Variants in ERBB4 observed in about 807,000 individuals in gnomAD.
ERBB4 encodes receptor tyrosine-protein kinase erbB-4.
Under a neutral mutation model 158.0 loss-of-function variants are expected in ERBB4, and 42 were observed. That is an observed-to-expected ratio of 0.27 (90% CI 0.21 to 0.34). The LOEUF (loss-of-function observed/expected upper bound fraction) is 0.34, where lower values mean the gene tolerates loss of function less well. ERBB4 is among the 10% of genes least tolerant of loss of function. The pLI, the probability that ERBB4 is intolerant of heterozygous loss-of-function variation, is 1.00. For missense variants in ERBB4, 1,333 were observed against 1,624.1 expected (o/e 0.82, Z 3.08); for synonymous variants, 583 against 558.7 (o/e 1.04, Z -0.61).
At position 212,239,700 on chromosome 2, in the gene ERBB4, C is replaced by A. The variant is rs140528261; in HGVS notation, c.83-114797G>T. On this transcript the variant is annotated intron_variant, in intron 1 of 27. Coordinates refer to ENST00000342788, the MANE Select transcript of ERBB4 (RefSeq NM_005235.3). Reference sequence around the variant, plus strand: ...TCAGGTCTGTCTCCACTTGAAAGCACAATTCAACTTTATTAGGAGGTTTTT... The same window carrying A: ...TCAGGTCTGTCTCCACTTGAAAGCAAAATTCAACTTTATTAGGAGGTTTTT... 4.1e-4 allele frequency among the ~76,000 whole-genome samples: 63 copies of A among 152,200 alleles called. 1 individual carries two copies. The highest frequency in any genetic ancestry group is 1.3e-3 in the African/African-American group (53 of 41,524).
intron 1 of ERBB4, among the ~76,000 whole-genome samples, chr2:212,288,784 C>T (rs1182139515): frequency 6.6e-6 from 1 of 152,026 alleles, no homozygotes. Flanking sequence ...AGATCTTGAT[C>T]TAAGGCCCTG....
At chr2:211,543,546 C>T (rs2066867138) in intron 20 of ERBB4, among the ~76,000 whole-genome samples, 1 of 151,838 alleles carries the variant, frequency 6.6e-6, no homozygotes, top group Admixed American at 6.6e-5. Flanking sequence ...TAAAGGACTT[C>T]AAATGTGTAG....
At chr2:211,863,652 G>C (rs986566356) in intron 3 of ERBB4, among the ~76,000 whole-genome samples, 1 of 152,106 alleles carries the variant, frequency 6.6e-6, no homozygotes, top group Non-Finnish European at 1.5e-5. Context: ...CCCACCAGAA[G>C]GAAGAAACTC....
At chr2:212,490,895 A>T (rs1397451510) in intron 1 of ERBB4, among the ~76,000 whole-genome samples, 3 of 151,748 alleles carry the variant, frequency 2.0e-5, no homozygotes, top group Non-Finnish European at 4.4e-5. Flanking sequence ...TTTTTAAAAC[A>T]TTTGGAAATT....
intron 3 of ERBB4, among the ~76,000 whole-genome samples, chr2:211,931,916 C>T (rs942712952): frequency 1.3e-5 from 2 of 151,972 alleles, no homozygotes; most frequent in Non-Finnish European, 2.9e-5. Flanking sequence ...GTGTTCTAAA[C>T]ACTATGCTAG....
chr2:212,194,478 T>G (rs1397940340), intron 1 of ERBB4, among the ~76,000 whole-genome samples: 1 of 152,074 alleles, frequency 6.6e-6, no homozygotes, highest in Non-Finnish European at 1.5e-5. Flanking sequence ...CTATGTTACC[T>G]GTTACTATTT....
intron 1 of ERBB4, among the ~76,000 whole-genome samples, chr2:212,240,665 A>AAAAAAAAAAAAAAC (rs1559823350): frequency 1.9e-4 from 27 of 145,896 alleles, no homozygotes; most frequent in African/African-American, 7.1e-4. Flanking sequence ...AAAAAAAAAA[A>AAAAAAAAAAAAAAC]AACAGAAAAA....
intron 1 of ERBB4, among the ~76,000 whole-genome samples, chr2:212,537,103 A>G (rs1219245703): frequency 6.6e-6 from 1 of 151,258 alleles, no homozygotes; most frequent in East Asian, 1.9e-4. Flanking sequence ...AGACTCGATA[A>G]TTGTAACTTG....
intron 19 of ERBB4, among the ~76,000 whole-genome samples, chr2:211,562,929 G>A (rs1038718144): frequency 7.3e-5 from 11 of 151,660 alleles, no homozygotes; most frequent in Admixed American, 6.6e-5. Context: ...CCGCCACTAC[G>A]CCCGGCTAAT....
intron 1 of ERBB4, among the ~76,000 whole-genome samples, chr2:212,347,066 G>A (rs184677440): frequency 4.6e-5 from 7 of 152,158 alleles, no homozygotes; most frequent in Admixed American, 2.0e-4. Flanking sequence ...ATATCAGATA[G>A]GCCTAAGTGC....
chr2:212,271,142 G>A (rs999512636), intron 1 of ERBB4, among the ~76,000 whole-genome samples: 1 of 151,624 alleles, frequency 6.6e-6, no homozygotes, highest in Non-Finnish European at 1.5e-5. Context: ...CTTATCTAAT[G>A]CCTTTTGATT....
intron 13 of ERBB4, 132 bp downstream of exon 13, chr2:211,678,920 T>TC: frequency 1.2e-6 from 1 of 802,628 alleles, no homozygotes; most frequent in Non-Finnish European, 1.8e-6. Context: ...TGAGCCGAGA[T>TC]CGTGCCGCTG....
chr2:211,570,977 C>T (rs2067707483), intron 19 of ERBB4, among the ~76,000 whole-genome samples: 1 of 150,848 alleles, frequency 6.6e-6, no homozygotes, highest in African/African-American at 2.4e-5. Flanking sequence ...CAAAATCCTT[C>T]TTTGGCTGAT....
At chr2:211,788,500 T>G (rs1575149755) in intron 3 of ERBB4, among the ~76,000 whole-genome samples, 1 of 152,098 alleles carries the variant, frequency 6.6e-6, no homozygotes, top group Non-Finnish European at 1.5e-5. Context: ...GCTTGTTTAG[T>G]TTAATATTAT....
At chr2:212,430,180 C>T (rs1313719641) in intron 1 of ERBB4, among the ~76,000 whole-genome samples, 2 of 152,120 alleles carry the variant, frequency 1.3e-5, no homozygotes, top group Non-Finnish European at 2.9e-5. Context: ...TCCTCTTATA[C>T]TTGTGTTTTA....
intron 10 of ERBB4, 43 bp from the exon 11 acceptor site, chr2:211,704,237 C>G (rs1365900544): frequency 2.4e-6 from 3 of 1,248,984 alleles, no homozygotes; most frequent in Middle Eastern, 1.9e-4. Flanking sequence ...ATATCATTGT[C>G]TTAGTATTAG....
At chr2:211,913,643 GTGTGTGTGTGTGTGTA>G (rs1468327736) in intron 3 of ERBB4, among the ~76,000 whole-genome samples, 6 of 139,124 alleles carry the variant, frequency 4.3e-5, no homozygotes, top group Admixed American at 2.3e-4. Flanking sequence ...GTGTGTGTGT[GTGTGTGTGTGTGTGTA>G]TGTGTGTATG....
intron 3 of ERBB4, among the ~76,000 whole-genome samples, chr2:211,828,020 T>C (rs2077140104): frequency 6.6e-6 from 1 of 152,192 alleles, no homozygotes; most frequent in Admixed American, 6.5e-5. Context: ...TCTTTTGACA[T>C]TAATCTGTAT....
chr2:212,461,316 T>A (rs1164274314), intron 1 of ERBB4, among the ~76,000 whole-genome samples: 1 of 152,202 alleles, frequency 6.6e-6, no homozygotes, highest in African/African-American at 2.4e-5. Context: ...AGAAGCCACA[T>A]GGACAGAGCT....
Sources: gnomAD v4.1 joint callset for allele counts (sites outside exome capture counted in the v4.1 genomes callset) on GRCh38, gnomAD v4.1.1 for gene constraint, MANE v1.5 for transcripts, NCBI Gene and HGNC (gene_info 2026-07-23, HGNC 2026-07-21) for gene names.